EXTL3: variants seen among roughly 807,000 people sequenced by gnomAD.
The protein encoded by EXTL3 is exostosin like glycosyltransferase 3.
In EXTL3, 27 loss-of-function variants were observed where a neutral mutation model predicts 69.3. The observed-to-expected ratio is 0.39, with a 90% confidence interval of 0.29 to 0.54. The LOEUF is 0.54. Ranked by LOEUF, EXTL3 falls within the 20% of genes least tolerant of loss-of-function variation. EXTL3 has a pLI of 0.69. For synonymous variants in EXTL3, 511 were observed against 499.4 expected (o/e 1.02, Z -0.31); for missense variants, 1,003 against 1,231.8 (o/e 0.81, Z 2.78).
chr8:28,718,139 G>T lies in EXTL3; in HGVS notation c.2080G>T (p.Val694Leu). 1 of 1,614,136 alleles carries T rather than the reference G, an allele frequency of 6.2e-7. No homozygotes were observed. Among genetic ancestry groups the T allele is most frequent in the Non-Finnish European group, 8.5e-7 (1 of 1,180,022 alleles). Residue 694 changes from valine to leucine, a missense_variant, in exon 3 of 7, where the codon GTG (valine) becomes TTG (leucine). Transcript: ENST00000220562. ...CCTCCCTTACCTGAACAAGGTCGTG[G>T]TGGTGTGGAATTCTCCCAAGCTGCC... The part of the protein sequence containing the change: ...NGLPYLNKVV[V>L]VWNSPKLPSE...
chr8:28,740,806 CGATG>C (rs552764138), intron 5 of EXTL3: 59 of 152,000 alleles, frequency 3.9e-4, no homozygotes, highest in African/African-American at 1.2e-3. Flanking sequence ...GTTGAAATAA[CGATG>C]AAACAAAACT....
intron 2 of EXTL3, among the ~76,000 whole-genome samples, chr8:28,611,996 C>T (rs1806277238): frequency 6.6e-6 from 1 of 152,162 alleles, no homozygotes; most frequent in South Asian, 2.1e-4. Flanking sequence ...GACGTGTGCC[C>T]GCCTGGATCC....
intron 1 of EXTL3, among the ~76,000 whole-genome samples, chr8:28,703,571 C>T (rs1226712608): frequency 1.3e-5 from 2 of 152,086 alleles, no homozygotes; most frequent in Non-Finnish European, 2.9e-5. Context: ...TGATGAGGGG[C>T]TGCAGGAGTG....
At chr8:28,657,457 T>C (rs963545694) in intron 1 of EXTL3, among the ~76,000 whole-genome samples, 4 of 152,246 alleles carry the variant, frequency 2.6e-5, no homozygotes, top group Non-Finnish European at 5.9e-5. Flanking sequence ...ACTGACCTGC[T>C]GTCCAATGAC....
At chr8:28,676,021 CAAAAAAA>C (rs386412447) in intron 1 of EXTL3, among the ~76,000 whole-genome samples, 1 of 105,398 alleles carries the variant, frequency 9.5e-6, no homozygotes, top group Non-Finnish European at 1.8e-5. Flanking sequence ...GACTCCATCT[CAAAAAAA>C]AAAAAAAAAA....
chr8:28,698,703 C>CAA (rs1166963878), upstream of EXTL3, among the ~76,000 whole-genome samples: 9 of 151,774 alleles, frequency 5.9e-5, no homozygotes, highest in Non-Finnish European at 8.8e-5. Flanking sequence ...CAAAACAAAA[C>CAA]AAAAATTAGG....
chr8:28,726,113 G>A (rs186143098), intron 3 of EXTL3, among the ~76,000 whole-genome samples: 1 of 151,874 alleles, frequency 6.6e-6, no homozygotes, highest in Non-Finnish European at 1.5e-5. Context: ...ACACCACCAC[G>A]CCCGGCTAAT....
At chr8:28,720,454 C>T (rs1349110713) in intron 3 of EXTL3, among the ~76,000 whole-genome samples, 3 of 152,148 alleles carry the variant, frequency 2.0e-5, no homozygotes, top group East Asian at 1.9e-4. Flanking sequence ...TGTTTGTGGG[C>T]TGTGAAGTGT....
At chr8:28,624,192 T>C (rs1011530119) in intron 1 of EXTL3, among the ~76,000 whole-genome samples, 3 of 152,218 alleles carry the variant, frequency 2.0e-5, no homozygotes, top group Non-Finnish European at 2.9e-5. Context: ...TCTGGAATTA[T>C]CAGTTCTTTT....
intron 1 of EXTL3, among the ~76,000 whole-genome samples, chr8:28,649,809 T>C (rs1041505614): frequency 6.6e-6 from 1 of 152,178 alleles, no homozygotes; most frequent in African/African-American, 2.4e-5. Flanking sequence ...TCCCAAATCA[T>C]GTATACATTA....
chr8:28,640,394 T>C (rs1360405409), intron 1 of EXTL3, among the ~76,000 whole-genome samples: 1 of 152,188 alleles, frequency 6.6e-6, no homozygotes, highest in African/African-American at 2.4e-5. Context: ...AGTTTGAGAA[T>C]TGAAAAGATC....
At chr8:28,714,956 A>G (rs1264444972) in intron 2 of EXTL3, among the ~76,000 whole-genome samples, 1 of 152,266 alleles carries the variant, frequency 6.6e-6, no homozygotes, top group Non-Finnish European at 1.5e-5. Context: ...CTAAAAGAGC[A>G]AGTTACTATT....
At chr8:28,704,940 C>T (rs143112543) in intron 1 of EXTL3, among the ~76,000 whole-genome samples, 310 of 152,318 alleles carry the variant, frequency 2.0e-3, no homozygotes, top group African/African-American at 7.2e-3. Context: ...AGGCTTGAGC[C>T]GCCGCATCCG....
chr8:28,668,418 G>A (rs1157302657), intron 1 of EXTL3, among the ~76,000 whole-genome samples: 2 of 128,506 alleles, frequency 1.6e-5, no homozygotes, highest in Admixed American at 9.8e-5. Context: ...TGCAACCTCC[G>A]CGTCCCAGGT....
At position 28,671,309 on chromosome 8, in the gene EXTL3, G is replaced by GTTTTTT. The variant is rs749395423; in HGVS notation, c.-52-42133_-52-42128dup. On this transcript the variant is annotated intron_variant, in intron 1 of 6. Transcript: ENST00000523149. ...ATTTTATTTTTATGTTTTGTTTTTT[G>GTTTTTT]TTTTTTTTTTTTTTTTTTTTGAGAC... is the stretch of plus-strand genomic sequence containing the variant. Among the ~76,000 whole-genome samples, 76 of 89,616 alleles carry GTTTTTT rather than the reference G, an allele frequency of 8.5e-4. 1 individual carries two copies. Among genetic ancestry groups the GTTTTTT allele is most frequent in the African/African-American group, 1.3e-3 (31 of 24,256 alleles). 58.8% of individuals were successfully genotyped at this position (89,616 alleles called of 152,430 possible).
At chr8:28,628,322 A>T (rs1806525304) in intron 1 of EXTL3, among the ~76,000 whole-genome samples, 1 of 152,098 alleles carries the variant, frequency 6.6e-6, no homozygotes, top group Admixed American at 6.5e-5. Context: ...AGATCGTAAC[A>T]CTGCACTCCA....
chr8:28,715,967 G>A lies in EXTL3; in HGVS notation c.-93G>A, dbSNP rs1801133362. 7.8e-6 allele frequency: 8 copies of A among 1,022,790 alleles called. No homozygotes were observed. The highest frequency in any genetic ancestry group is 2.4e-5 in the East Asian group (1 of 41,574). The allele number at this position is 1,022,790 out of a possible 1,614,324, so 63.4% of individuals were successfully genotyped here. A position where few individuals can be genotyped will look rare whatever the true frequency, so the allele number is the denominator to read the frequency against. ...GGAGCACACTAACTCTTCTGGAAAC[G>A]TGTCAGTGAAACAGAGATCGTTTTG... On this transcript the variant is annotated 5_prime_UTR_variant, in exon 3 of 7. It adds an upstream start codon to the 5' untranslated region. Transcript: ENST00000220562.
rs894858819 is a variant in EXTL3, at chr8:28,755,067, C to T, written c.*4201C>T. On this transcript the variant is annotated 3_prime_UTR_variant, in exon 7 of 7. Transcript: ENST00000220562. ...AGGCTCTAATCCCACCATACGGTGG[C>T]AAAAGTTGTGCCCATCTCTTAAGCA... 6.6e-6 allele frequency: 1 copy of T among 152,196 alleles called. No individual in the cohort carries two copies. The highest frequency in any genetic ancestry group is 2.4e-5 in the African/African-American group (1 of 41,452). The allele number at this position is 152,196 out of a possible 1,614,324, so 9.4% of individuals were successfully genotyped here.
At chr8:28,640,612 TA>T (rs1402745264) in intron 1 of EXTL3, among the ~76,000 whole-genome samples, 2 of 152,200 alleles carry the variant, frequency 1.3e-5, no homozygotes, top group Non-Finnish European at 2.9e-5. Context: ...TTAACTTAAT[TA>T]TTTTTTTGAG....
Sources: gnomAD v4.1 joint callset for allele counts (sites outside exome capture counted in the v4.1 genomes callset) on GRCh38, gnomAD v4.1.1 for gene constraint, MANE v1.5 for transcripts, NCBI Gene and HGNC (gene_info 2026-07-23, HGNC 2026-07-21) for gene names.